The following SUPT3H variants were observed in gnomAD, a reference collection of about 807,000 sequenced individuals.
The protein encoded by SUPT3H is SPT3 homolog, SAGA and STAGA complex component.
In SUPT3H, 44 loss-of-function variants were observed where a neutral mutation model predicts 44.3. The observed-to-expected ratio is 0.99, with a 90% CI of 0.78 to 1.28. SUPT3H has a LOEUF of 1.28. SUPT3H is among the 50% of genes most tolerant of loss of function. The pLI is 0.00. For synonymous variants in SUPT3H, 124 were observed against 125.6 expected, an observed-to-expected ratio of 0.99 and a Z score of 0.09; for missense variants, 380 against 387.1, an observed-to-expected ratio of 0.98 and a Z score of 0.15.
chr6:44,871,019 T>G (rs1445324992), intron 10 of SUPT3H, among the ~76,000 whole-genome samples: 1 of 149,802 alleles, frequency 6.7e-6, no homozygotes, highest in African/African-American at 2.4e-5. Context: ...TCTCGCTGAT[T>G]GCTAGCACAG....
intron 2 of SUPT3H, among the ~76,000 whole-genome samples, chr6:45,361,003 T>G (rs1794153337): frequency 6.6e-6 from 1 of 152,196 alleles, no homozygotes; most frequent in African/African-American, 2.4e-5. Flanking sequence ...CTGGGCACAG[T>G]GGCACATGCC....
intron 2 of SUPT3H, among the ~76,000 whole-genome samples, chr6:45,120,893 A>G (rs766066865): frequency 6.6e-6 from 1 of 152,204 alleles, no homozygotes; most frequent in Non-Finnish European, 1.5e-5. Context: ...CAATGCAAAA[A>G]TTTCCCAAGG....
At chr6:44,842,187 T>C (rs1005092405) in intron 10 of SUPT3H, among the ~76,000 whole-genome samples, 1 of 152,264 alleles carries the variant, frequency 6.6e-6, no homozygotes, top group African/African-American at 2.4e-5. Flanking sequence ...ACATTGAGAA[T>C]GACTTGTCTT....
intron 6 of SUPT3H, among the ~76,000 whole-genome samples, chr6:44,988,036 G>A (rs1303670260): frequency 6.6e-6 from 1 of 152,124 alleles, no homozygotes; most frequent in Non-Finnish European, 1.5e-5. Flanking sequence ...TTTTTCTCCA[G>A]TTGTGTTCTG....
At chr6:45,270,638 G>C (rs1007452987) in intron 2 of SUPT3H, among the ~76,000 whole-genome samples, 1 of 152,158 alleles carries the variant, frequency 6.6e-6, no homozygotes, top group Non-Finnish European at 1.5e-5. Flanking sequence ...TGCCCAGTCT[G>C]GAGTATGTCC....
intron 3 of SUPT3H, among the ~76,000 whole-genome samples, chr6:45,081,881 A>G (rs1795863840): frequency 6.6e-6 from 1 of 152,012 alleles, no homozygotes; most frequent in Non-Finnish European, 1.5e-5. Flanking sequence ...AAATAGGGGG[A>G]AAAAATCAAG....
intron 2 of SUPT3H, chr6:45,159,222 C>A (rs761257776): frequency 6.6e-6 from 1 of 152,188 alleles, no homozygotes; most frequent in South Asian, 2.1e-4. Flanking sequence ...ATGCAGCAGA[C>A]CCATTTTCCA....
At chr6:45,000,384 T>C (rs1200445592) in intron 6 of SUPT3H, among the ~76,000 whole-genome samples, 1 of 151,980 alleles carries the variant, frequency 6.6e-6, no homozygotes, top group Non-Finnish European at 1.5e-5. Context: ...ATGGGAATGG[T>C]AGAAAGACTT....
chr6:45,135,625 A>G (rs12193720), intron 2 of SUPT3H, among the ~76,000 whole-genome samples: 35,350 of 152,058 alleles, frequency 0.23, 4,689 homozygotes, highest in Non-Finnish European at 0.31. Context: ...GTCTTTACAC[A>G]TACTAAAACC....
chr6:44,832,590 G>T (rs774215647), intron 10 of SUPT3H, among the ~76,000 whole-genome samples: 10 of 152,092 alleles, frequency 6.6e-5, no homozygotes, highest in Non-Finnish European at 1.3e-4. Context: ...TTGTGAATTT[G>T]CTGAAAAGCT....
At chr6:45,321,791 C>T (rs781672542) in intron 2 of SUPT3H, 20 of 1,596,936 alleles carry the variant, frequency 1.3e-5, no homozygotes, top group Non-Finnish European at 1.6e-5. Flanking sequence ...TTTCCCACTA[C>T]TTACCTGCCA....
At chr6:44,939,663 G>T (rs1033732435) in intron 9 of SUPT3H, among the ~76,000 whole-genome samples, 1 of 151,910 alleles carries the variant, frequency 6.6e-6, no homozygotes, top group African/African-American at 2.4e-5. Context: ...TACACATTTG[G>T]CTGTGAATCC....
chr6:45,350,835 G>C (rs1004583065), intron 2 of SUPT3H, among the ~76,000 whole-genome samples: 1 of 152,054 alleles, frequency 6.6e-6, no homozygotes, highest in Non-Finnish European at 1.5e-5. Flanking sequence ...ATTTTCAGAC[G>C]GATTTATAAT....
At chr6:44,961,681 T>G in intron 7 of SUPT3H, 72 bp downstream of exon 7, 1 of 1,201,770 alleles carries the variant, frequency 8.3e-7, no homozygotes, top group East Asian at 2.4e-5. Context: ...AAACAGATCC[T>G]GTCATACTTT....
At chr6:45,350,940 G>A (rs1159827960) in intron 2 of SUPT3H, among the ~76,000 whole-genome samples, 3 of 152,106 alleles carry the variant, frequency 2.0e-5, no homozygotes, top group African/African-American at 4.8e-5. Flanking sequence ...GCTCTACCTC[G>A]TGTCAGATCA....
rs984081869 is a variant in SUPT3H, at chr6:44,848,402, A to G, written c.913-18545T>C. Among the ~76,000 whole-genome samples, 3 of 152,210 alleles carry G rather than the reference A, an allele frequency of 2.0e-5. No individual in the cohort carries two copies. In the South Asian group the frequency reaches 6.2e-4, roughly 32 times the overall value. On this transcript the variant is annotated intron_variant, in intron 10 of 10. Coordinates refer to ENST00000371459, the MANE Select transcript of SUPT3H (RefSeq NM_003599.4). ...AATATCCTGAGACCCACTGGCACCAATTAATTTCTGGTGACAGGCCCCAGG... is the reference window on the plus strand; with the variant it reads ...AATATCCTGAGACCCACTGGCACCAGTTAATTTCTGGTGACAGGCCCCAGG...
chr6:45,108,458 C>G (rs997846640), intron 2 of SUPT3H, among the ~76,000 whole-genome samples: 1 of 152,092 alleles, frequency 6.6e-6, no homozygotes, highest in African/African-American at 2.4e-5. Flanking sequence ...TGTGTATCTC[C>G]TTTATAAAAT....
At chr6:45,353,987 T>C (rs1792610456) in intron 2 of SUPT3H, among the ~76,000 whole-genome samples, 1 of 152,130 alleles carries the variant, frequency 6.6e-6, no homozygotes, top group Non-Finnish European at 1.5e-5. Flanking sequence ...GCCAAAGTAT[T>C]TTCAAGCTCA....
chr6:45,039,494 T>TA (rs912951083), intron 3 of SUPT3H, among the ~76,000 whole-genome samples: 39 of 152,164 alleles, frequency 2.6e-4, no homozygotes, highest in African/African-American at 8.7e-4. Context: ...CACCTAACTT[T>TA]AAAAAAATAC....
Sources: allele counts gnomAD v4.1 joint callset (sites outside exome capture counted in the v4.1 genomes callset), GRCh38; gene constraint gnomAD v4.1.1; transcripts MANE v1.5; gene names NCBI Gene and HGNC (gene_info 2026-07-23, HGNC 2026-07-21).